The following CARS1 variants were observed in gnomAD, a reference collection of about 807,000 sequenced individuals.
CARS1 encodes cysteine--tRNA ligase, cytoplasmic.
A neutral mutation model predicts 106.2 loss-of-function variants in CARS1; 48 were observed. The observed-to-expected ratio is 0.45, with a 90% CI of 0.36 to 0.57. The LOEUF (loss-of-function observed/expected upper bound fraction) is 0.57, where lower values mean the gene tolerates loss of function less well. Ranked by LOEUF, CARS1 falls within the 20% of genes least tolerant of loss-of-function variation. CARS1 has a pLI of 0.00. For synonymous variants in CARS1, 409 were observed against 403.4 expected (o/e 1.01, Z -0.17); for missense variants, 968 against 1,057.2 (o/e 0.92, Z 1.17).
chr11:3,042,417 A>C, intron 2 of CARS1, 161 bp from the exon 3 acceptor site: 1 of 582,508 alleles, frequency 1.7e-6, no homozygotes, highest in Non-Finnish European at 3.0e-6. Flanking sequence ...ACGCAGGTCA[A>C]AGACAACTGC....
rs562050218 is a variant in CARS1, at chr11:3,039,969, G to A, written c.456-38C>T. 6.4e-5 allele frequency: 68 copies of A among 1,059,838 alleles called. No individual in the cohort carries two copies. The highest frequency in any genetic ancestry group is 1.5e-4 in the East Asian group (6 of 40,480). 65.7% of individuals were successfully genotyped at this position (1,059,838 alleles called of 1,614,324 possible). A position where few individuals can be genotyped will look rare whatever the true frequency, so the allele number is the denominator to read the frequency against. ...AAAAACAAACATTTCCACACCAGAC[G>A]ATATGTATAGCTTAACCTCCAACAA... On this transcript the variant is annotated intron_variant, in intron 4 of 22. Coordinates refer to ENST00000380525, the MANE Select transcript of CARS1 (RefSeq NM_001014437.3). This position sits in a 1 kb window ranked among gnomAD's most constrained non-coding sequence, Gnocchi z 5.6.
At chr11:3,027,706 G>A in intron 9 of CARS1, 3 of 376,934 alleles carry the variant, frequency 8.0e-6, no homozygotes, top group South Asian at 1.9e-5. Flanking sequence ...GTGACCAGAA[G>A]ACAAGAGTGT....
At position 3,041,729 on chromosome 11, in the gene CARS1, T is replaced by G. The variant is rs1854481441; in HGVS notation, c.366+436A>C. ...ACCCCATTCTGTTAGGAACCAATCC[T>G]GCCTTCTTCTCAAAACCTGCTGTGC... On this transcript the variant is annotated intron_variant, in intron 3 of 22. Coordinates refer to ENST00000380525, the MANE Select transcript of CARS1 (RefSeq NM_001014437.3). The surrounding 1 kb of genome is among the most constrained non-coding windows in gnomAD (Gnocchi z 4.9). 6.6e-6 allele frequency among the ~76,000 whole-genome samples: 1 copy of G among 152,194 alleles called. No homozygotes were observed.
rs1849621181 is a variant in CARS1, at chr11:3,003,906, C to A, written c.2218-1306G>T. Among the ~76,000 whole-genome samples, 1 of 152,192 alleles carries A rather than the reference C, an allele frequency of 6.6e-6. No individual in the cohort carries two copies. Among genetic ancestry groups the A allele is most frequent in the Admixed American group, 6.5e-5 (1 of 15,288 alleles). ...TCCCTTGGTTGGGAAACAGGAGCTA[C>A]TAGAAGTCACAGGCCACAGCCAAGG... On this transcript the variant is annotated intron_variant, in intron 20 of 22. Transcript: ENST00000380525. The surrounding 1 kb of genome is among the most constrained non-coding windows in gnomAD (Gnocchi z 4.8).
Position 3,029,171 on chromosome 11 carries a change from GC to G in CARS1, c.943-88del. On this transcript the variant is annotated intron_variant, in intron 8 of 22. Coordinates refer to ENST00000380525, the MANE Select transcript of CARS1 (RefSeq NM_001014437.3). This position sits in a 1 kb window ranked among gnomAD's most constrained non-coding sequence, Gnocchi z 5.9. Reference sequence around the variant, plus strand: ...ACGTTCCCAATTCATAAAACGAAAAGCCCATTATGCCCCTCAACTCAAGTTC... The same window carrying G: ...ACGTTCCCAATTCATAAAACGAAAAGCCATTATGCCCCTCAACTCAAGTTC... The G allele has an allele frequency of 7.1e-7, 1 of 1,404,546 alleles. No individual in the cohort carries two copies. The highest frequency in any genetic ancestry group is 1.0e-6 in the Non-Finnish European group (1 of 992,700). The allele number at this position is 1,404,546 out of a possible 1,614,324, so 87.0% of individuals were successfully genotyped here.
In CARS1 at chr11:3,017,215, G is replaced by T; in HGVS notation, c.1808C>A (p.Ala603Asp). The change falls in exon 16 of 23, where the codon GCC becomes GAC. Residue 603 changes from alanine to aspartate, a missense_variant. Transcript: ENST00000380525. The surrounding 1 kb of genome is among the most constrained non-coding windows in gnomAD (Gnocchi z 4.9). ...DTRTVMEEMR[A>D]LVSQCNLYMA... ...ATAGAGGTTGCACTGACTGACCAAG[G>T]CCCGCATCTCTTCCATGACGGTGCG... 6.2e-7 allele frequency: 1 copy of T among 1,614,100 alleles called. No homozygotes were observed. The highest frequency in any genetic ancestry group is 8.5e-7 in the Non-Finnish European group (1 of 1,179,940).
Position 3,001,239 on chromosome 11 carries a change from T to A in CARS1, c.2371A>T (p.Thr791Ser). The A allele has an allele frequency of 6.2e-7, 1 of 1,613,714 alleles. No homozygotes were observed. The highest frequency in any genetic ancestry group is 1.1e-5 in the South Asian group (1 of 91,090). Reference protein sequence around the residue: ...YSKFDENGLPTHDMEGKELSK... With the variant: ...YSKFDENGLPSHDMEGKELSK... The stretch of plus-strand genomic sequence containing the variant: ...AGCTCTTTGCCCTCCATGTCATGTG[T>A]GGGCAGACCCTGAAAACCCAGAGCA... The change falls in exon 23 of 23, where the codon ACA becomes TCA. Residue 791 changes from threonine to serine, a missense_variant. By Grantham distance (58) the Thr-to-Ser change is moderately conservative. Transcript: ENST00000380525.
rs1159456375 is a variant in CARS1 at position 3,044,458 on chromosome 11, G to A, written c.275-2202C>T. ...TAAAATCTGGCTGAAGTGCACTGGC[G>A]CAATCTCAACTCACTGCAACCTCCG... On this transcript the variant is annotated intron_variant, in intron 2 of 22. Coordinates refer to ENST00000380525, the MANE Select transcript of CARS1 (RefSeq NM_001014437.3). The surrounding 1 kb of genome is among the most constrained non-coding windows in gnomAD (Gnocchi z 4.4). Among the ~76,000 whole-genome samples the A allele has an allele frequency of 6.6e-6, 1 of 151,172 alleles. No individual in the cohort carries two copies. Among genetic ancestry groups the A allele is most frequent in the Non-Finnish European group, 1.5e-5 (1 of 67,878 alleles).
intron 19 of CARS1, among the ~76,000 whole-genome samples, chr11:3,006,393 C>A (rs1849867520): frequency 6.6e-6 from 1 of 152,214 alleles, no homozygotes; most frequent in South Asian, 2.1e-4. Flanking sequence ...TTGCAATGAG[C>A]CGAGATCGCG....
In CARS1 at chr11:3,012,218, C is replaced by T. The variant is rs773752622; in HGVS notation, c.2045G>A (p.Arg682Gln). 1.2e-6 allele frequency: 2 copies of T among 1,614,214 alleles called. No homozygotes were observed. Among genetic ancestry groups the T allele is most frequent in the Admixed American group, 1.7e-5 (1 of 60,034 alleles). Residue 682 changes from arginine to glutamine, a missense_variant, in exon 18 of 23, where the codon CGG becomes CAG. Physicochemically the swap from Arg to Gln is conservative, Grantham distance 43. Transcript: ENST00000380525. ...QVLSEFREGV[R>Q]KIAREQKVPE... Reference sequence around the variant, plus strand: ...ACCTTTTTGCTCTCGGGCAATCTTCCGCACTCCTTCTCGGAATTCTGATAA... The same window carrying T: ...ACCTTTTTGCTCTCGGGCAATCTTCTGCACTCCTTCTCGGAATTCTGATAA...
chr11:3,033,002 A>G (rs1368513976), intron 7 of CARS1, among the ~76,000 whole-genome samples: 1 of 151,720 alleles, frequency 6.6e-6, no homozygotes, highest in African/African-American at 2.4e-5. Context: ...TAGGGGATAT[A>G]TATAGCCTCT....
At position 3,018,675 on chromosome 11, in the gene CARS1, C is replaced by T; in HGVS notation, c.1470G>A (p.Met490Ile). The change falls in exon 13 of 23, where the codon ATG (methionine) becomes ATA (isoleucine). Residue 490 changes from methionine to isoleucine, a missense_variant. Physicochemically the swap from Met to Ile is conservative, Grantham distance 10 (BLOSUM62 1). Transcript: ENST00000380525. ...TGHLTIAGCK[M>I]SKSLKNFITI... ...TGATGAAGTTTTTTAGTGACTTTGA[C>T]ATTTTGCAGCCTGCAATGGTCAGGT... 6.2e-7 allele frequency: 1 copy of T among 1,614,222 alleles called. No homozygotes were observed. The highest frequency in any genetic ancestry group is 8.5e-7 in the Non-Finnish European group (1 of 1,180,042).
Position 3,018,654 on chromosome 11 carries a change from G to T in CARS1, c.1491C>A (p.Phe497Leu). 1 of 1,614,236 alleles carries T rather than the reference G, an allele frequency of 6.2e-7. No individual in the cohort carries two copies. Among genetic ancestry groups the T allele is most frequent in the Non-Finnish European group, 8.5e-7 (1 of 1,180,032 alleles). ...TTTTCAAGGCATCTTTAATGGTGAT[G>T]AAGTTTTTTAGTGACTTTGACATTT... Reference protein sequence around the residue: ...GCKMSKSLKNFITIKDALKKH... With the variant: ...GCKMSKSLKNLITIKDALKKH... Residue 497 changes from phenylalanine (F) to leucine (L), a missense_variant, in exon 13 of 23, where the codon TTC (phenylalanine) becomes TTA (leucine). Phe to Leu is a conservative substitution (Grantham distance 22). Coordinates refer to ENST00000380525, the MANE Select transcript of CARS1 (RefSeq NM_001014437.3).
chr11:3,042,389 C>T (rs1033901385), intron 2 of CARS1, 133 bp from the exon 3 acceptor site: 23 of 615,404 alleles, frequency 3.7e-5, no homozygotes, highest in Admixed American at 6.1e-5. Flanking sequence ...TGAAACCACA[C>T]GAATCTCGGT....
chr11:3,052,244 A>G lies in CARS1; in HGVS notation c.26-4243T>C, dbSNP rs963858251. 1.3e-5 allele frequency among the ~76,000 whole-genome samples: 2 copies of G among 152,144 alleles called. No homozygotes were observed. The highest frequency in any genetic ancestry group is 1.3e-4 in the Admixed American group (2 of 15,278). ...ACGCCCTCCAGGGCTGAGTACCTACACTCACACACACGGCGGCATTTCCTC... is the reference window on the plus strand; with the variant it reads ...ACGCCCTCCAGGGCTGAGTACCTACGCTCACACACACGGCGGCATTTCCTC... On this transcript the variant is annotated intron_variant, in intron 1 of 22. Transcript: ENST00000380525. This position sits in a 1 kb window ranked among gnomAD's most constrained non-coding sequence, Gnocchi z 4.6.
chr11:3,043,731 C>T lies in CARS1; in HGVS notation c.275-1475G>A, dbSNP rs1854778168. Among the ~76,000 whole-genome samples, 1 of 152,130 alleles carries T rather than the reference C, an allele frequency of 6.6e-6. No individual in the cohort carries two copies. The highest frequency in any genetic ancestry group is 1.5e-5 in the Non-Finnish European group (1 of 68,032). On this transcript the variant is annotated intron_variant, in intron 2 of 22. Coordinates refer to ENST00000380525, the MANE Select transcript of CARS1 (RefSeq NM_001014437.3). This position sits in a 1 kb window ranked among gnomAD's most constrained non-coding sequence, Gnocchi z 4.0. ...CACCAGCCATCTCTTGGCCTCCCGG[C>T]TCTAGCTCAGGCCACACGAGCCAGG...
Position 3,048,606 on chromosome 11 carries a change from G to A in CARS1, c.26-605C>T, listed in dbSNP as rs1258484799. 2.6e-5 allele frequency: 4 copies of A among 152,372 alleles called. No homozygotes were observed. The highest frequency in any genetic ancestry group is 2.1e-4 in the South Asian group (1 of 4,838). 9.4% of individuals were successfully genotyped at this position (152,372 alleles called of 1,614,324 possible). A position where few individuals can be genotyped will look rare whatever the true frequency, so the allele number is the denominator to read the frequency against. On this transcript the variant is annotated intron_variant, in intron 1 of 22. Transcript: ENST00000380525. The surrounding 1 kb of genome is among the most constrained non-coding windows in gnomAD (Gnocchi z 5.1). Reference sequence around the variant, plus strand: ...CAACTTCAAGCCTCTTTGCCGCAGCGGCACCCTCTCCCTCTGGGTGCTGGG... The same window carrying A: ...CAACTTCAAGCCTCTTTGCCGCAGCAGCACCCTCTCCCTCTGGGTGCTGGG...
chr11:3,057,413 G>C lies in CARS1; in HGVS notation c.-46C>G, dbSNP rs768747925. On this transcript the variant is annotated 5_prime_UTR_variant, in exon 1 of 23. Transcript: ENST00000380525. ...CAGCTGCGGCTACAGACACTTCCTA[G>C]AATCTGATGCAACCGCCGCCCCGGA... 6.9e-6 allele frequency: 11 copies of C among 1,584,444 alleles called. No homozygotes were observed. Among genetic ancestry groups the C allele is most frequent in the South Asian group, 1.1e-5 (1 of 89,618 alleles).
chr11:3,019,988 T>A lies in CARS1; in HGVS notation c.1266+232A>T, dbSNP rs1287871198. ...ACGTCTACTCTGATCACATCTCCAC[T>A]TACAGACCAGAAAACAGAAATCCCA... On this transcript the variant is annotated intron_variant, in intron 11 of 22. Coordinates refer to ENST00000380525, the MANE Select transcript of CARS1 (RefSeq NM_001014437.3). This position sits in a 1 kb window ranked among gnomAD's most constrained non-coding sequence, Gnocchi z 6.2. Among the ~76,000 whole-genome samples the A allele has an allele frequency of 6.6e-6, 1 of 152,184 alleles. No individual in the cohort carries two copies. Among genetic ancestry groups the A allele is most frequent in the African/African-American group, 2.4e-5 (1 of 41,442 alleles).
Sources: allele counts gnomAD v4.1 joint callset (sites outside exome capture counted in the v4.1 genomes callset), GRCh38; gene constraint gnomAD v4.1.1; non-coding constraint Gnocchi (gnomAD v3.1); transcripts MANE v1.5; gene names NCBI Gene and HGNC (gene_info 2026-07-23, HGNC 2026-07-21).